FAF1: variants seen among roughly 807,000 people sequenced by gnomAD.
FAF1 encodes the protein FAS-associated factor 1.
In FAF1, 25 loss-of-function variants were observed where a neutral mutation model predicts 92.5. That is an observed-to-expected ratio of 0.27 (90% CI 0.20 to 0.38). The LOEUF (loss-of-function observed/expected upper bound fraction) is 0.38. FAF1 is among the 10% of genes least tolerant of loss of function. FAF1 has a pLI of 1.00. For synonymous variants in FAF1, 234 were observed against 273.2 expected (o/e 0.86, Z 1.42); for missense variants, 636 against 793.3 (o/e 0.80, Z 2.38).
chr1:50,647,659 T>C (rs1654655816), intron 8 of FAF1, among the ~76,000 whole-genome samples: 1 of 152,190 alleles, frequency 6.6e-6, no homozygotes, highest in Non-Finnish European at 1.5e-5. Context: ...TTCTAGTACA[T>C]ACTACTTCAG....
chr1:50,907,926 T>C lies in FAF1; in HGVS notation c.46-49929A>G, dbSNP rs560641275. Among the ~76,000 whole-genome samples the C allele has an allele frequency of 1.8e-4, 28 of 152,302 alleles. 2 individuals carry two copies. In the South Asian group the frequency reaches 5.6e-3, roughly 30 times the overall value. On this transcript the variant is annotated intron_variant, in intron 1 of 18. Coordinates refer to ENST00000396153, the MANE Select transcript of FAF1 (RefSeq NM_007051.3). Reference sequence around the variant, plus strand: ...TGCCTTCTGCTAGCTTTTGAATGTGTTTGCTCTTGCTTATCTAGTTCTTTT... The same window carrying C: ...TGCCTTCTGCTAGCTTTTGAATGTGCTTGCTCTTGCTTATCTAGTTCTTTT...
At chr1:50,899,344 C>G (rs184973512) in intron 1 of FAF1, among the ~76,000 whole-genome samples, 2 of 152,280 alleles carry the variant, frequency 1.3e-5, no homozygotes, top group East Asian at 3.9e-4. Flanking sequence ...CTAGGTCTCT[C>G]TCTACTGATT....
chr1:50,568,378 A>G (rs567620189), intron 12 of FAF1, among the ~76,000 whole-genome samples: 3 of 152,290 alleles, frequency 2.0e-5, no homozygotes, highest in East Asian at 3.9e-4. Context: ...ACAGAAAAAT[A>G]TAAGGCTCAT....
intron 1 of FAF1, among the ~76,000 whole-genome samples, chr1:50,861,966 T>C (rs968558284): frequency 2.6e-5 from 4 of 151,874 alleles, no homozygotes; most frequent in Admixed American, 2.6e-4. Context: ...ATGTCATTTG[T>C]TGAAGCCAAC....
intron 12 of FAF1, among the ~76,000 whole-genome samples, chr1:50,570,398 T>C (rs2149058486): frequency 6.6e-6 from 1 of 152,284 alleles, no homozygotes. Context: ...TGCTTTGTGG[T>C]AAGCGACTGG....
Position 50,661,777 on chromosome 1 carries a change from A to C in FAF1, c.658-6249T>G, listed in dbSNP as rs1025259790. Among the ~76,000 whole-genome samples the C allele has an allele frequency of 2.0e-5, 3 of 152,334 alleles. No homozygotes were observed. In the South Asian group the frequency reaches 6.2e-4, roughly 32 times the overall value. ...CAATCACTGGCACTCTGAAAGGCTT[A>C]TAGTTAAGAAAGCAGTCACTTCTGA... On this transcript the variant is annotated intron_variant, in intron 7 of 18. Transcript: ENST00000396153.
chr1:50,818,462 C>T (rs1287557410), intron 2 of FAF1, among the ~76,000 whole-genome samples: 2 of 152,196 alleles, frequency 1.3e-5, no homozygotes, highest in East Asian at 1.9e-4. Context: ...GTACCGGATA[C>T]AACCAAAATG....
At chr1:50,648,685 G>A (rs1233698918) in intron 8 of FAF1, among the ~76,000 whole-genome samples, 1 of 152,258 alleles carries the variant, frequency 6.6e-6, no homozygotes, top group South Asian at 2.1e-4. Context: ...CCAGCACTTT[G>A]GGAAGCCGAG....
chr1:50,844,520 T>C (rs1644281843), intron 2 of FAF1, among the ~76,000 whole-genome samples: 1 of 151,284 alleles, frequency 6.6e-6, no homozygotes, highest in Non-Finnish European at 1.5e-5. Flanking sequence ...CAGAATTGGC[T>C]TAAGTGTTAA....
chr1:50,736,403 GAT>G lies in FAF1; in HGVS notation c.551+2458_551+2459del, dbSNP rs758449279. ...ATCTGTCTACCATTTTTGATAATAT[GAT>G]ATGCTATATAACTTACTAGGATATT... On this transcript the variant is annotated intron_variant, in intron 6 of 18. Transcript: ENST00000396153. Among the ~76,000 whole-genome samples, 4 of 152,292 alleles carry G rather than the reference GAT, an allele frequency of 2.6e-5. No individual in the cohort carries two copies. The East Asian group carries it at 7.7e-4, about 29-fold the overall frequency.
chr1:50,603,438 A>G (rs1402819385), intron 8 of FAF1, among the ~76,000 whole-genome samples: 1 of 152,196 alleles, frequency 6.6e-6, no homozygotes, highest in Non-Finnish European at 1.5e-5. Flanking sequence ...GGTTTTTTAT[A>G]GTAAGGAGTC....
chr1:50,828,026 C>A (rs1644118423), intron 2 of FAF1, among the ~76,000 whole-genome samples: 2 of 152,018 alleles, frequency 1.3e-5, no homozygotes, highest in African/African-American at 2.4e-5. Flanking sequence ...TGTGAAGATA[C>A]AAAGACCCAA....
At chr1:50,769,570 G>A (rs1292060613) in intron 4 of FAF1, among the ~76,000 whole-genome samples, 3 of 152,136 alleles carry the variant, frequency 2.0e-5, no homozygotes, top group Non-Finnish European at 2.9e-5. Flanking sequence ...ACCAAATCCG[G>A]CTGCACATCC....
chr1:50,819,465 TA>T lies in FAF1; in HGVS notation c.115-17789del, dbSNP rs35111665. ...CTCTGTCTGTAGAAAATTTAAAAAT[TA>T]AAAAAAAAAAATTAGCTAGGCATGG... On this transcript the variant is annotated intron_variant, in intron 2 of 18. Transcript: ENST00000396153. 5.8e-4 allele frequency among the ~76,000 whole-genome samples: 82 copies of T among 142,254 alleles called. No homozygotes were observed. The East Asian group carries it at 6.2e-3, about 11-fold the overall frequency. 93.3% of individuals were successfully genotyped at this position (142,254 alleles called of 152,430 possible).
chr1:50,799,053 C>G (rs1661871838), intron 3 of FAF1, among the ~76,000 whole-genome samples: 1 of 152,158 alleles, frequency 6.6e-6, no homozygotes, highest in Non-Finnish European at 1.5e-5. Context: ...CGCGAGTGAT[C>G]TGCCAGCCTC....
intron 8 of FAF1, among the ~76,000 whole-genome samples, chr1:50,626,516 C>G (rs1320953171): frequency 6.6e-6 from 1 of 152,052 alleles, no homozygotes; most frequent in African/African-American, 2.4e-5. Flanking sequence ...AACTCTCAGA[C>G]CAGTGTAGCT....
intron 8 of FAF1, among the ~76,000 whole-genome samples, chr1:50,600,798 TAA>T (rs1367766444): frequency 6.6e-6 from 1 of 152,198 alleles, no homozygotes; most frequent in Non-Finnish European, 1.5e-5. Flanking sequence ...TGTAAAAGTA[TAA>T]AAACAGTGTC....
At chr1:50,504,003 A>T (rs1647024324) in intron 15 of FAF1, among the ~76,000 whole-genome samples, 2 of 152,210 alleles carry the variant, frequency 1.3e-5, no homozygotes, top group African/African-American at 4.8e-5. Context: ...AAACTTGTCA[A>T]ATTATATACT....
At chr1:50,798,730 T>G (rs1279262223) in intron 3 of FAF1, among the ~76,000 whole-genome samples, 1 of 152,236 alleles carries the variant, frequency 6.6e-6, no homozygotes, top group Non-Finnish European at 1.5e-5. Flanking sequence ...CTTTATGACT[T>G]ATCCTATCTA....
Sources: allele counts gnomAD v4.1 joint callset (sites outside exome capture counted in the v4.1 genomes callset), GRCh38; gene constraint gnomAD v4.1.1; transcripts MANE v1.5; gene names NCBI Gene and HGNC (gene_info 2026-07-23, HGNC 2026-07-21).